NRXN1: variants seen among roughly 807,000 people sequenced by gnomAD.
NRXN1 encodes the protein neurexin 1.
A neutral mutation model predicts 150.9 loss-of-function variants in NRXN1; 39 were observed. The ratio of observed to expected loss-of-function variants is 0.26; its 90% confidence interval spans 0.20 to 0.34. NRXN1 has a LOEUF of 0.34. Ranked by LOEUF, NRXN1 falls within the 10% of genes least tolerant of loss-of-function variation. NRXN1 has a pLI of 1.00. For missense variants in NRXN1, 1,815 were observed against 1,949.9 expected (o/e 0.93, Z 1.30); for synonymous variants, 924 against 757.0 (o/e 1.22, Z -3.62).
intron 17 of NRXN1, among the ~76,000 whole-genome samples, chr2:50,449,696 G>A (rs1286076389): frequency 6.6e-6 from 1 of 152,150 alleles, no homozygotes; most frequent in African/African-American, 2.4e-5. Context: ...ATTTTGAAAA[G>A]CAAGGTATTA....
intron 17 of NRXN1, among the ~76,000 whole-genome samples, chr2:50,273,389 T>C (rs1264714082): frequency 2.6e-5 from 4 of 152,182 alleles, no homozygotes; most frequent in Non-Finnish European, 4.4e-5. Flanking sequence ...TTCCACTTTC[T>C]TTTATTTGTC....
At chr2:50,644,888 C>G (rs1239174278) in intron 5 of NRXN1, among the ~76,000 whole-genome samples, 5 of 145,428 alleles carry the variant, frequency 3.4e-5, no homozygotes, top group Admixed American at 6.7e-5. Context: ...ATTTATATTT[C>G]TTTTTCAAAT....
chr2:51,026,962 C>G (rs191477815), intron 2 of NRXN1, among the ~76,000 whole-genome samples: 19 of 152,330 alleles, frequency 1.2e-4, no homozygotes, highest in Admixed American at 1.2e-3. Flanking sequence ...CAGAGCACTG[C>G]CCGTGAACCC....
intron 17 of NRXN1, among the ~76,000 whole-genome samples, chr2:50,244,448 G>A (rs188476673): frequency 1.6e-4 from 25 of 151,968 alleles, no homozygotes; most frequent in Non-Finnish European, 3.1e-4. Flanking sequence ...GATAGAGATT[G>A]TGCTGATTTG....
intron 21 of NRXN1, 124 bp downstream of exon 21, chr2:50,053,147 C>CT: frequency 1.1e-6 from 1 of 931,592 alleles, no homozygotes; most frequent in Non-Finnish European, 1.7e-6. Flanking sequence ...AAGCTAGTTT[C>CT]AAAGGAAGCT....
At chr2:50,716,033 C>T (rs1390778928) in intron 5 of NRXN1, among the ~76,000 whole-genome samples, 1 of 152,118 alleles carries the variant, frequency 6.6e-6, no homozygotes, top group Non-Finnish European at 1.5e-5. Flanking sequence ...CCCAACAAAT[C>T]TAGGGAGGTG....
chr2:50,144,613 T>C (rs1707744537), intron 18 of NRXN1, among the ~76,000 whole-genome samples: 1 of 151,892 alleles, frequency 6.6e-6, no homozygotes, highest in African/African-American at 2.4e-5. Flanking sequence ...TAACCTTTGA[T>C]TTAGTGTATG....
intron 5 of NRXN1, among the ~76,000 whole-genome samples, chr2:50,643,868 T>C (rs1684417759): frequency 6.6e-6 from 1 of 151,874 alleles, no homozygotes; most frequent in South Asian, 2.1e-4. Flanking sequence ...TTTAGGCTTT[T>C]ATAAACATTT....
At chr2:50,170,660 T>C (rs899608644) in intron 18 of NRXN1, among the ~76,000 whole-genome samples, 1 of 152,024 alleles carries the variant, frequency 6.6e-6, no homozygotes, top group Non-Finnish European at 1.5e-5. Flanking sequence ...GATGCTCAAA[T>C]AGTGCAAATA....
chr2:50,385,014 G>C (rs1462681554), intron 17 of NRXN1, among the ~76,000 whole-genome samples: 1 of 152,154 alleles, frequency 6.6e-6, no homozygotes, highest in Non-Finnish European at 1.5e-5. Flanking sequence ...AGACCATCTA[G>C]TTTCAATGAT....
chr2:50,729,345 T>C (rs1291942927), intron 5 of NRXN1, among the ~76,000 whole-genome samples: 1 of 152,188 alleles, frequency 6.6e-6, no homozygotes, highest in Non-Finnish European at 1.5e-5. Context: ...CAGAGCATTT[T>C]AGTTTGGGTA....
chr2:50,026,854 CTTTTCTTTTTTTTTTTTTTTTT>C (rs1558721519), intron 21 of NRXN1, among the ~76,000 whole-genome samples: 2 of 49,132 alleles, frequency 4.1e-5, no homozygotes, highest in African/African-American at 2.0e-4. Context: ...TAAGTCTTTT[CTTTTCTTTTTTTTTTTTTTTTT>C]TTTTTTTTTT....
At chr2:50,244,662 GAGATGTC>G (rs1278512165) in intron 17 of NRXN1, among the ~76,000 whole-genome samples, 1 of 151,868 alleles carries the variant, frequency 6.6e-6, no homozygotes, top group Non-Finnish European at 1.5e-5. Flanking sequence ...TAGTTTGTGT[GAGATGTC>G]AGAAAAATGG....
At chr2:50,296,262 A>G (rs1407795968) in intron 17 of NRXN1, among the ~76,000 whole-genome samples, 1 of 152,226 alleles carries the variant, frequency 6.6e-6, no homozygotes, top group East Asian at 1.9e-4. Flanking sequence ...CTCTCTACAC[A>G]AAGGAATCCC....
chr2:50,959,762 A>G (rs1209316715), intron 2 of NRXN1, among the ~76,000 whole-genome samples: 2 of 152,116 alleles, frequency 1.3e-5, no homozygotes, highest in Non-Finnish European at 2.9e-5. Flanking sequence ...CATGTTATGC[A>G]CACATACACA....
chr2:50,490,701 C>T (rs949124803), intron 15 of NRXN1, among the ~76,000 whole-genome samples: 3 of 152,092 alleles, frequency 2.0e-5, no homozygotes, highest in African/African-American at 2.4e-5. Flanking sequence ...CAGAATAGAG[C>T]GAGGGTGGCT....
At chr2:50,467,422 G>A (rs559675715) in intron 16 of NRXN1, among the ~76,000 whole-genome samples, 1 of 151,662 alleles carries the variant, frequency 6.6e-6, no homozygotes, top group Admixed American at 6.6e-5. Flanking sequence ...TGCTATTAAT[G>A]TAAAAGAGAG....
chr2:50,309,797 C>T (rs1466996503), intron 17 of NRXN1, among the ~76,000 whole-genome samples: 3 of 152,122 alleles, frequency 2.0e-5, no homozygotes, highest in African/African-American at 4.8e-5. Flanking sequence ...CCTAAGTCCC[C>T]TTCAAGATCA....
chr2:50,891,253 A>C (rs1681018058), intron 5 of NRXN1, among the ~76,000 whole-genome samples: 1 of 152,064 alleles, frequency 6.6e-6, no homozygotes, highest in African/African-American at 2.4e-5. Context: ...AATATCTCCA[A>C]AATTGCTGCT....
Sources: allele counts gnomAD v4.1 joint callset (sites outside exome capture counted in the v4.1 genomes callset), GRCh38; gene constraint gnomAD v4.1.1; transcripts MANE v1.5; gene names NCBI Gene and HGNC (gene_info 2026-07-23, HGNC 2026-07-21).